The following FAM171A1 variants were observed in gnomAD, a reference collection of about 807,000 sequenced individuals.
FAM171A1 encodes protein FAM171A1.
Under a neutral mutation model 74.9 loss-of-function variants are expected in FAM171A1, and 23 were observed. The observed-to-expected ratio is 0.31, with a 90% CI of 0.22 to 0.44. FAM171A1 has a LOEUF of 0.44. Ranked by LOEUF, FAM171A1 falls within the 20% of genes least tolerant of loss-of-function variation. The probability of loss-of-function intolerance (pLI) is 1.00; values close to 1 mark genes in which losing one functional copy is unlikely to be tolerated. For missense variants in FAM171A1, 1,162 were observed against 1,159.2 expected (o/e 1.00, Z -0.03); for synonymous variants, 527 against 505.7 (o/e 1.04, Z -0.57).
intron 1 of FAM171A1, among the ~76,000 whole-genome samples, chr10:15,302,642 T>C (rs1405534854): frequency 1.3e-5 from 2 of 152,172 alleles, no homozygotes; most frequent in Non-Finnish European, 2.9e-5. Context: ...TTTATAGCAC[T>C]GATCATCTTA....
At chr10:15,298,270 G>A (rs1191940375) in intron 1 of FAM171A1, among the ~76,000 whole-genome samples, 3 of 152,148 alleles carry the variant, frequency 2.0e-5, no homozygotes, top group African/African-American at 7.2e-5. Context: ...CAGTAGCTGG[G>A]CTTCCAAGTA....
At chr10:15,242,292 T>C (rs951213031) in intron 5 of FAM171A1, among the ~76,000 whole-genome samples, 2 of 152,214 alleles carry the variant, frequency 1.3e-5, no homozygotes, top group African/African-American at 4.8e-5. Flanking sequence ...TTATGAAATA[T>C]GCAGGCTTCT....
chr10:15,213,917 G>A lies in FAM171A1; in HGVS notation c.1671C>T (p.Pro557=), dbSNP rs139974823. The stretch of plus-strand genomic sequence containing the variant: ...CAGAACTGCAGCAGATTAACTGGCC[G>A]GGCCGTGGGAAGGACGTAGGTCTCT... ...HLERPTSFPR[P]GQLICCSSVD... is the part of the protein sequence containing the mutation. Residue 557 remains proline, a synonymous_variant, in exon 8 of 8, where the codon CCC becomes CCT. Transcript: ENST00000378116. This position sits in a 1 kb window ranked among gnomAD's most constrained non-coding sequence, Gnocchi z 6.8. 48 of 1,614,164 alleles carry A rather than the reference G, an allele frequency of 3.0e-5. No individual in the cohort carries two copies. The African/African-American group carries it at 3.7e-4, about 13-fold the overall frequency.
intron 3 of FAM171A1, among the ~76,000 whole-genome samples, chr10:15,268,220 T>C (rs2131788128): frequency 6.6e-6 from 1 of 152,228 alleles, no homozygotes; most frequent in South Asian, 2.1e-4. Flanking sequence ...CCAAGTACAA[T>C]GGGAAAACCA....
At chr10:15,345,403 T>G (rs756266112) in intron 1 of FAM171A1, among the ~76,000 whole-genome samples, 3 of 152,110 alleles carry the variant, frequency 2.0e-5, no homozygotes, top group Non-Finnish European at 4.4e-5. Flanking sequence ...CACACAGACC[T>G]GGGATGGCAG....
At chr10:15,223,686 G>T (rs1834068920) in intron 5 of FAM171A1, among the ~76,000 whole-genome samples, 1 of 152,126 alleles carries the variant, frequency 6.6e-6, no homozygotes, top group African/African-American at 2.4e-5. Flanking sequence ...ATCACTTGAG[G>T]TCAGGAGTTT....
intron 5 of FAM171A1, among the ~76,000 whole-genome samples, chr10:15,246,205 T>C (rs576070437): frequency 6.6e-6 from 1 of 152,042 alleles, no homozygotes; most frequent in Non-Finnish European, 1.5e-5. Flanking sequence ...GTGCCCGTCT[T>C]GCTTACTGCA....
intron 1 of FAM171A1, among the ~76,000 whole-genome samples, chr10:15,324,059 GA>G (rs1239485609): frequency 6.6e-6 from 1 of 152,146 alleles, no homozygotes; most frequent in Non-Finnish European, 1.5e-5. Context: ...TCTAATTCCT[GA>G]AATTCATAAA....
At chr10:15,350,707 T>C (rs4748163) in intron 1 of FAM171A1, among the ~76,000 whole-genome samples, 148,470 of 151,302 alleles carry the variant, frequency 0.98, 72,903 homozygotes, top group Middle Eastern at 1. Context: ...GGTGCCATCT[T>C]GGCTCACTGC....
chr10:15,224,896 C>T (rs1834085199), intron 5 of FAM171A1, among the ~76,000 whole-genome samples: 1 of 152,162 alleles, frequency 6.6e-6, no homozygotes, highest in Non-Finnish European at 1.5e-5. Flanking sequence ...ACACCTCTAC[C>T]CATTCTGTGA....
chr10:15,219,110 C>G (rs1321600356), intron 6 of FAM171A1, among the ~76,000 whole-genome samples: 1 of 152,110 alleles, frequency 6.6e-6, no homozygotes, highest in African/African-American at 2.4e-5. Flanking sequence ...TGGTGAAACC[C>G]TGTCTCCACT....
intron 5 of FAM171A1, among the ~76,000 whole-genome samples, chr10:15,224,136 T>C (rs1372990063): frequency 6.6e-6 from 1 of 151,720 alleles, no homozygotes; most frequent in Non-Finnish European, 1.5e-5. Context: ...GTAGAAGGAT[T>C]GGGATGAGTT....
chr10:15,216,442 T>C (rs1833967942), intron 6 of FAM171A1, among the ~76,000 whole-genome samples: 1 of 152,152 alleles, frequency 6.6e-6, no homozygotes, highest in Admixed American at 6.5e-5. Context: ...TAATTTTTTT[T>C]TTTTTTGAGA....
chr10:15,312,499 C>CG (rs954140587), intron 1 of FAM171A1, among the ~76,000 whole-genome samples: 20 of 151,684 alleles, frequency 1.3e-4, no homozygotes, highest in Admixed American at 2.6e-4. Flanking sequence ...GCACGAGTCT[C>CG]GGGGGGCTCC....
intron 1 of FAM171A1, among the ~76,000 whole-genome samples, chr10:15,308,131 G>A (rs965753063): frequency 6.6e-6 from 1 of 152,144 alleles, no homozygotes; most frequent in African/African-American, 2.4e-5. Flanking sequence ...ATTAGGAAGT[G>A]TTAAACAATG....
At chr10:15,327,958 A>G (rs1481875259) in intron 1 of FAM171A1, among the ~76,000 whole-genome samples, 1 of 150,992 alleles carries the variant, frequency 6.6e-6, no homozygotes, top group East Asian at 1.9e-4. Context: ...AAAAAATCAG[A>G]GATTACCTAA....
rs369635898 is a variant in FAM171A1 at position 15,284,041 on chromosome 10, G to A, written c.162C>T (p.Ile54=). 27 of 1,613,958 alleles carry A rather than the reference G, an allele frequency of 1.7e-5. No individual in the cohort carries two copies. The highest frequency in any genetic ancestry group is 6.7e-5 in the African/African-American group (5 of 74,894). ...STHQPVADAL[I]EIFTNQASIA... ...TGGAGGCCTGGTTGGTGAAGATCTC[G>A]ATGAGCGCATCTGCTACGGGCTGGT... Residue 54 remains isoleucine (I), a synonymous_variant, in exon 2 of 8, where the codon ATC becomes ATT. Coordinates refer to ENST00000378116, the MANE Select transcript of FAM171A1 (RefSeq NM_001010924.2).
chr10:15,274,909 A>G (rs1348025680), intron 3 of FAM171A1, among the ~76,000 whole-genome samples: 2 of 152,210 alleles, frequency 1.3e-5, no homozygotes, highest in Non-Finnish European at 2.9e-5. Context: ...ACACCATGGA[A>G]TACTATGCAG....
rs1833893006 is a variant in FAM171A1 at position 15,211,788 on chromosome 10, CACATTCAGCTCGCT to C, written c.*1113_*1126del. The C allele has an allele frequency of 6.6e-6, 1 of 150,558 alleles. No homozygotes were observed. Among genetic ancestry groups the C allele is most frequent in the Non-Finnish European group, 1.5e-5 (1 of 67,830 alleles). 9.3% of individuals were successfully genotyped at this position (150,558 alleles called of 1,614,324 possible). A position where few individuals can be genotyped will look rare whatever the true frequency, so the allele number is the denominator to read the frequency against. ...TTTTTTTTAAATTTTTTTTAATAGT[CACATTCAGCTCGCT>C]TGCTCAAACCAGACTCCCACATTGG... On this transcript the variant is annotated 3_prime_UTR_variant, in exon 8 of 8. Transcript: ENST00000378116.
Sources: allele counts gnomAD v4.1 joint callset (sites outside exome capture counted in the v4.1 genomes callset), GRCh38; gene constraint gnomAD v4.1.1; non-coding constraint Gnocchi (gnomAD v3.1); transcripts MANE v1.5; gene names NCBI Gene and HGNC (gene_info 2026-07-23, HGNC 2026-07-21).